Variants in MAEA observed in about 807,000 individuals in gnomAD.
The protein encoded by MAEA is macrophage erythroblast attacher, E3 ubiquitin ligase, also known as E3 ubiquitin-protein transferase MAEA.
Under a neutral mutation model 46.2 loss-of-function variants are expected in MAEA, and 22 were observed. The ratio of observed to expected loss-of-function variants is 0.48; its 90% CI spans 0.34 to 0.68. The LOEUF (loss-of-function observed/expected upper bound fraction) is 0.68. MAEA is among the 30% of genes least tolerant of loss of function. The pLI is 0.01. For missense variants in MAEA, 393 were observed against 558.1 expected, an observed-to-expected ratio of 0.70 and a Z score of 2.98; for synonymous variants, 246 against 222.6, an observed-to-expected ratio of 1.11 and a Z score of -0.94.
intron 1 of MAEA, among the ~76,000 whole-genome samples, chr4:1,303,565 A>G (rs1215575618): frequency 6.6e-6 from 1 of 152,086 alleles, no homozygotes; most frequent in Non-Finnish European, 1.5e-5. Context: ...TAAACATGCT[A>G]AGTGAGAAAA....
intron 2 of MAEA, 185 bp downstream of exon 2, chr4:1,312,346 AG>A: frequency 1.7e-6 from 1 of 602,484 alleles, no homozygotes; most frequent in South Asian, 1.9e-5. Context: ...CTGTTCCTGT[AG>A]GGACCGTGTT....
intron 5 of MAEA, chr4:1,330,609 C>G (rs998395247): frequency 2.0e-5 from 3 of 152,180 alleles, no homozygotes; most frequent in Admixed American, 6.5e-5. Context: ...GCCACCGTGC[C>G]TGGCCCGTGT....
chr4:1,312,705 G>T (rs1442986373), intron 2 of MAEA: 1 of 158,198 alleles, frequency 6.3e-6, no homozygotes, highest in African/African-American at 2.4e-5. Context: ...TGAAATTACA[G>T]GTGTAAGCCA....
intron 1 of MAEA, chr4:1,309,665 A>T (rs1361831347): frequency 1.3e-6 from 2 of 1,532,036 alleles, no homozygotes; most frequent in Admixed American, 3.9e-5. Flanking sequence ...CCTGAGAGCC[A>T]CTGGCAGGGA....
intron 4 of MAEA, 149 bp from the exon 5 acceptor site, chr4:1,327,478 C>T: frequency 1.4e-6 from 1 of 694,578 alleles, no homozygotes; most frequent in East Asian, 2.6e-5. Context: ...GTGGCAGCTT[C>T]AGCCTCAGCC....
intron 6 of MAEA, among the ~76,000 whole-genome samples, chr4:1,333,449 C>A (rs965603788): frequency 1.8e-4 from 27 of 152,148 alleles, no homozygotes; most frequent in Non-Finnish European, 2.6e-4. Flanking sequence ...TTCTCTACAG[C>A]CCCTGAGTCA....
At chr4:1,326,879 G>T (rs1468776743) in intron 4 of MAEA, among the ~76,000 whole-genome samples, 1 of 152,126 alleles carries the variant, frequency 6.6e-6, no homozygotes, top group Non-Finnish European at 1.5e-5. Context: ...CATAACCTCG[G>T]TGCAGGCGCT....
intron 1 of MAEA, among the ~76,000 whole-genome samples, chr4:1,300,618 C>T (rs147520817): frequency 6.6e-6 from 1 of 152,380 alleles, no homozygotes; most frequent in Non-Finnish European, 1.5e-5. Context: ...GGCTGCGTGG[C>T]GTGCGTGTGT....
intron 1 of MAEA, among the ~76,000 whole-genome samples, chr4:1,292,367 G>C (rs1166803402): frequency 6.6e-6 from 1 of 152,140 alleles, no homozygotes; most frequent in Non-Finnish European, 1.5e-5. Context: ...GCGTCAGGGC[G>C]GCTGGTGGGG....
chr4:1,330,041 G>T, intron 5 of MAEA: 2 of 985,490 alleles, frequency 2.0e-6, no homozygotes, highest in Non-Finnish European at 2.4e-6. Flanking sequence ...GTGCTGGGCC[G>T]GGCAGGGGGC....
At chr4:1,316,711 C>T (rs949900601) in intron 3 of MAEA, among the ~76,000 whole-genome samples, 1 of 152,132 alleles carries the variant, frequency 6.6e-6, no homozygotes, top group Non-Finnish European at 1.5e-5. Context: ...GCATCATGGG[C>T]CTCAGCCCTG....
chr4:1,339,573 T>C lies in MAEA; in HGVS notation c.*404T>C. The C allele has an allele frequency of 4.6e-6, 1 of 218,916 alleles. No individual in the cohort carries two copies. Among genetic ancestry groups the C allele is most frequent in the Non-Finnish European group, 9.2e-6 (1 of 108,140 alleles). The allele number at this position is 218,916 out of a possible 1,614,324, so 13.6% of individuals were successfully genotyped here. The stretch of plus-strand genomic sequence containing the variant: ...AACGGGCTGGTCCTTCACCACTTCC[T>C]GTTGGCCCTGGCCTGGCCGGGGAAG... On this transcript the variant is annotated 3_prime_UTR_variant, in exon 9 of 9. Coordinates refer to ENST00000303400, the MANE Select transcript of MAEA (RefSeq NM_001017405.3).
intron 3 of MAEA, among the ~76,000 whole-genome samples, chr4:1,320,514 G>T (rs1051541643): frequency 3.4e-5 from 5 of 146,756 alleles, no homozygotes; most frequent in Non-Finnish European, 5.9e-5. Context: ...GCAAGAAAAC[G>T]CTATGAAGGG....
chr4:1,321,096 T>A (rs556823164), intron 3 of MAEA, among the ~76,000 whole-genome samples: 1 of 151,872 alleles, frequency 6.6e-6, no homozygotes, highest in African/African-American at 2.4e-5. Context: ...CGAGACTCCG[T>A]CTCAAAAAAA....
At chr4:1,334,664 C>A (rs1712511501) in intron 6 of MAEA, among the ~76,000 whole-genome samples, 1 of 152,248 alleles carries the variant, frequency 6.6e-6, no homozygotes, top group African/African-American at 2.4e-5. Flanking sequence ...AGCCCCAAGG[C>A]TCATCTGTTG....
Position 1,315,562 on chromosome 4 carries a change from A to G in MAEA, c.418A>G (p.Asn140Asp), listed in dbSNP as rs1422296854. 1 of 1,613,490 alleles carries G rather than the reference A, an allele frequency of 6.2e-7. No homozygotes were observed. ...GCACCTGCTGCGTTGCGGCTACTAC[A>G]ACACGGCTGTCAAGCTGGCGCGCCA... ...VEHLLRCGYY[N>D]TAVKLARQSG... The change falls in exon 3 of 9, where the codon AAC becomes GAC. Residue 140 changes from asparagine (N) to aspartate (D), a missense_variant. By Grantham distance (23) the Asn-to-Asp change is conservative (BLOSUM62 1). Coordinates refer to ENST00000303400, the MANE Select transcript of MAEA (RefSeq NM_001017405.3).
intron 6 of MAEA, among the ~76,000 whole-genome samples, chr4:1,333,921 C>G (rs561138530): frequency 2.2e-5 from 1 of 45,540 alleles, no homozygotes; most frequent in Non-Finnish European, 4.1e-5. Flanking sequence ...TGTGCTCACC[C>G]CCATGCCCAC....
intron 4 of MAEA, 59 bp downstream of exon 4, chr4:1,322,562 C>G (rs1738265494): frequency 1.3e-6 from 2 of 1,595,472 alleles, no homozygotes; most frequent in Non-Finnish European, 1.7e-6. Flanking sequence ...CGCCACCTGC[C>G]CTGGAGCCAG....
intron 1 of MAEA, among the ~76,000 whole-genome samples, chr4:1,297,270 CGATGGCTGCTGGG>C (rs1734827412): frequency 6.6e-6 from 1 of 152,088 alleles, no homozygotes; most frequent in Non-Finnish European, 1.5e-5. Flanking sequence ...CTTGAGTCCA[CGATGGCTGCTGGG>C]GCTGCGGCCT....
Sources: gnomAD v4.1 joint callset for allele counts (sites outside exome capture counted in the v4.1 genomes callset) on GRCh38, gnomAD v4.1.1 for gene constraint, MANE v1.5 for transcripts, NCBI Gene and HGNC (gene_info 2026-07-23, HGNC 2026-07-21) for gene names.